The following SLC37A1 variants were observed in gnomAD, a reference collection of about 807,000 sequenced individuals.
SLC37A1 encodes the protein solute carrier family 37 member 1.
A neutral mutation model predicts 75.3 loss-of-function variants in SLC37A1; 49 were observed. The ratio of observed to expected loss-of-function variants is 0.65; its 90% CI spans 0.52 to 0.83. SLC37A1 has a LOEUF of 0.83. Ranked by LOEUF, SLC37A1 falls within the 40% of genes least tolerant of loss-of-function variation. The probability of loss-of-function intolerance (pLI) is 0.00; values close to 1 mark genes in which losing one functional copy is unlikely to be tolerated. For synonymous variants in SLC37A1, 268 were observed against 292.1 expected, an observed-to-expected ratio of 0.92 and a Z score of 0.84; for missense variants, 566 against 695.0, an observed-to-expected ratio of 0.81 and a Z score of 2.09.
rs116638023 is a variant in SLC37A1, at chr21:42,545,726, G to A, written c.731-1377G>A. On this transcript the variant is annotated intron_variant, in intron 8 of 19. Transcript: ENST00000352133. This position sits in a 1 kb window ranked among gnomAD's most constrained non-coding sequence, Gnocchi z 4.0. ...GGGCATCACACTGTGAGTGGATACCGATGGGGTGAGTTGGCTGATGTCCTT... is the reference window on the plus strand; with the variant it reads ...GGGCATCACACTGTGAGTGGATACCAATGGGGTGAGTTGGCTGATGTCCTT... 7.0e-3 allele frequency among the ~76,000 whole-genome samples: 1,066 copies of A among 152,344 alleles called. 8 individuals are homozygous for A. Among genetic ancestry groups the A allele is most frequent in the African/African-American group, 0.025 (1,029 of 41,564 alleles).
chr21:42,568,524 C>T, intron 17 of SLC37A1, 86 bp downstream of exon 17: 1 of 1,292,672 alleles, frequency 7.7e-7, no homozygotes, highest in Non-Finnish European at 1.1e-6. Context: ...ACCCAGGGTT[C>T]CAACTGCATC....
At chr21:42,513,457 A>G (rs2054460762), upstream of SLC37A1, among the ~76,000 whole-genome samples, 1 of 152,144 alleles carries the variant, frequency 6.6e-6, no homozygotes, top group Admixed American at 6.5e-5. Flanking sequence ...AGGCCAAGCA[A>G]AGGCCCTCTT....
At chr21:42,554,260 T>TA (rs1232553702) in intron 10 of SLC37A1, 118 bp downstream of exon 10, 3 of 865,674 alleles carry the variant, frequency 3.5e-6, no homozygotes, top group Non-Finnish European at 1.7e-6. Flanking sequence ...ATCCAGGTCT[T>TA]AAAAAAATTC....
At chr21:42,540,907 A>T (rs1279990118) in intron 6 of SLC37A1, among the ~76,000 whole-genome samples, 1 of 152,220 alleles carries the variant, frequency 6.6e-6, no homozygotes, top group Non-Finnish European at 1.5e-5. Context: ...GAGTCCCAGC[A>T]TGTTTCTGGA....
In SLC37A1 at chr21:42,564,706, A is replaced by G; in HGVS notation, c.1136-2A>G. ...TGCCTGAAGCCCGCCTCTCCGTTGC[A>G]GGTGGGATCCTGGCAGGTGTGATCT... On this transcript the variant is annotated splice_acceptor_variant, in intron 13 of 19. Transcript: ENST00000352133. LOFTEE classifies it high-confidence loss of function. The G allele has an allele frequency of 6.2e-7, 1 of 1,611,054 alleles. No homozygotes were observed. The highest frequency in any genetic ancestry group is 8.5e-7 in the Non-Finnish European group (1 of 1,179,688).
chr21:42,580,090 T>TCTCC lies in SLC37A1; in HGVS notation c.1587-246_1587-243dup, dbSNP rs779851421. On this transcript the variant is annotated intron_variant, in intron 19 of 19. Coordinates refer to ENST00000352133, the MANE Select transcript of SLC37A1 (RefSeq NM_001320537.2). ...CTCCTTGCCTTCCTGCTCGCCCCCT[T>TCTCC]CTCCCTCCCTCCTCTTTTCCCTCCC... Among the ~76,000 whole-genome samples, 3 of 151,004 alleles carry TCTCC rather than the reference T, an allele frequency of 2.0e-5. No homozygotes were observed. The East Asian group carries it at 5.9e-4, about 30-fold the overall frequency.
At chr21:42,521,176 A>G (rs2054639289) in intron 2 of SLC37A1, among the ~76,000 whole-genome samples, 1 of 152,164 alleles carries the variant, frequency 6.6e-6, no homozygotes, top group South Asian at 2.1e-4. Context: ...TTCCATATTC[A>G]TTACTTAGAG....
chr21:42,525,930 G>A (rs1249975971), intron 3 of SLC37A1, 73 bp downstream of exon 3: 11 of 1,102,170 alleles, frequency 1.0e-5, no homozygotes, highest in Non-Finnish European at 1.4e-6. Flanking sequence ...TGGGGCAGAG[G>A]ATGGGGATGG....
rs569687603 is a variant in SLC37A1, at chr21:42,559,939, G to T, written c.981+850G>T. Reference sequence around the variant, plus strand: ...CAGCCCGTGGTCTGATTGCCCGTGTGTGTGAGCAGAGGATGCCAAGAGTGA... The same window carrying T: ...CAGCCCGTGGTCTGATTGCCCGTGTTTGTGAGCAGAGGATGCCAAGAGTGA... On this transcript the variant is annotated intron_variant, in intron 11 of 19. Coordinates refer to ENST00000352133, the MANE Select transcript of SLC37A1 (RefSeq NM_001320537.2). Among the ~76,000 whole-genome samples, 32 of 152,104 alleles carry T rather than the reference G, an allele frequency of 2.1e-4. No homozygotes were observed. The South Asian group carries it at 5.8e-3, about 28-fold the overall frequency.
intron 8 of SLC37A1, among the ~76,000 whole-genome samples, 179 bp from the exon 9 acceptor site, chr21:42,546,924 C>G (rs1405050591): frequency 6.6e-6 from 1 of 152,234 alleles, no homozygotes; most frequent in African/African-American, 2.4e-5. Flanking sequence ...CAACTCACAG[C>G]TGCCCGCTTT....
At chr21:42,566,770 C>T (rs1055604491) in intron 15 of SLC37A1, among the ~76,000 whole-genome samples, 1 of 152,194 alleles carries the variant, frequency 6.6e-6, no homozygotes, top group Admixed American at 6.5e-5. Context: ...GTGATCGCTC[C>T]CTCATGGTGG....
intron 3 of SLC37A1, among the ~76,000 whole-genome samples, chr21:42,526,628 C>G (rs1008656832): frequency 5.9e-5 from 9 of 152,194 alleles, no homozygotes; most frequent in Non-Finnish European, 1.3e-4. Context: ...GGTGGCTGCC[C>G]TCTGCAGCCC....
chr21:42,572,690 A>AAAAAAAAAG (rs1344604802), intron 17 of SLC37A1, among the ~76,000 whole-genome samples: 1 of 146,136 alleles, frequency 6.8e-6, no homozygotes, highest in African/African-American at 2.6e-5. Flanking sequence ...AAAAAAAAAA[A>AAAAAAAAAG]AGAGTGTGTC....
At chr21:42,573,554 G>C (rs1426312749) in intron 17 of SLC37A1, among the ~76,000 whole-genome samples, 2 of 152,002 alleles carry the variant, frequency 1.3e-5, no homozygotes, top group Admixed American at 6.5e-5. Context: ...TTGCTTGGGG[G>C]TGTGGAGATA....
In SLC37A1 at chr21:42,580,439, C is replaced by G. The variant is rs2056403023; in HGVS notation, c.*79C>G. ...TTCAAGGACAGTTCAGACAAAGGGC[C>G]CTGCATGGAAAGAGTGACCTCCCTT... On this transcript the variant is annotated 3_prime_UTR_variant, in exon 20 of 20. Coordinates refer to ENST00000352133, the MANE Select transcript of SLC37A1 (RefSeq NM_001320537.2). The G allele has an allele frequency of 1.3e-6, 2 of 1,504,948 alleles. No individual in the cohort carries two copies. Among genetic ancestry groups the G allele is most frequent in the Non-Finnish European group, 1.8e-6 (2 of 1,105,226 alleles). 93.2% of individuals were successfully genotyped at this position (1,504,948 alleles called of 1,614,324 possible).
chr21:42,542,717 C>T (rs2055314086), intron 7 of SLC37A1, among the ~76,000 whole-genome samples: 1 of 152,242 alleles, frequency 6.6e-6, no homozygotes, highest in African/African-American at 2.4e-5. Flanking sequence ...GCTCCTCTGA[C>T]AGCTGCATCT....
intron 2 of SLC37A1, chr21:42,508,720 A>T (rs1363277914): frequency 6.6e-6 from 1 of 152,200 alleles, no homozygotes; most frequent in Non-Finnish European, 1.5e-5. Context: ...CTTCAGTTAG[A>T]ATCCAGTTTA....
Position 42,563,871 on chromosome 21 carries a change from A to G in SLC37A1, c.1129A>G (p.Ile377Val). Residue 377 changes from isoleucine (I) to valine (V), a missense_variant, in exon 13 of 20, where the codon ATC (isoleucine) becomes GTC (valine). By Grantham distance (29) the Ile-to-Val change is conservative (BLOSUM62 3). Coordinates refer to ENST00000352133, the MANE Select transcript of SLC37A1 (RefSeq NM_001320537.2). ...CTCCACCCTGTTTGACGTGGGCGGA[A>G]TCTTTGGTGAGTTCATTAAGACTTG... ...ELSTLFDVGG[I>V]FGGILAGVIS... is the part of the protein sequence containing the mutation. The G allele has an allele frequency of 1.9e-6, 3 of 1,614,188 alleles. No homozygotes were observed. The highest frequency in any genetic ancestry group is 2.5e-6 in the Non-Finnish European group (3 of 1,180,010).
In SLC37A1 at chr21:42,561,212, C is replaced by T. The variant is rs907910079; in HGVS notation, c.982-866C>T. Among the ~76,000 whole-genome samples, 4 of 152,254 alleles carry T rather than the reference C, an allele frequency of 2.6e-5. No homozygotes were observed. In the East Asian group the frequency reaches 7.7e-4, roughly 29 times the overall value. Reference sequence around the variant, plus strand: ...CCCATTCTGATTGATTTCCAGTGCACAGACGGCTGGGGGATTCAGTGCCAC... The same window carrying T: ...CCCATTCTGATTGATTTCCAGTGCATAGACGGCTGGGGGATTCAGTGCCAC... On this transcript the variant is annotated intron_variant, in intron 11 of 19. Transcript: ENST00000352133.
Sources: allele counts gnomAD v4.1 joint callset (sites outside exome capture counted in the v4.1 genomes callset), GRCh38; gene constraint gnomAD v4.1.1; non-coding constraint Gnocchi (gnomAD v3.1); transcripts MANE v1.5; gene names NCBI Gene and HGNC (gene_info 2026-07-23, HGNC 2026-07-21).